The following LAMA4 variants were observed in gnomAD, a reference collection of about 807,000 sequenced individuals.
LAMA4 encodes the protein laminin subunit alpha 4, also known as laminin subunit alpha-4.
A neutral mutation model predicts 207.1 loss-of-function variants in LAMA4; 127 were observed. That is an observed-to-expected ratio of 0.61 (90% confidence interval 0.53 to 0.71). The LOEUF is 0.71. LAMA4 is among the 30% of genes least tolerant of loss of function. LAMA4 has a pLI of 0.00. For missense variants in LAMA4, 2,093 were observed against 2,246.5 expected (o/e 0.93, Z 1.38); for synonymous variants, 761 against 816.0 (o/e 0.93, Z 1.15).
At chr6:112,156,647 T>TA (rs1406521979) in intron 14 of LAMA4, among the ~76,000 whole-genome samples, 1 of 152,148 alleles carries the variant, frequency 6.6e-6, no homozygotes. Context: ...CATCGATGAT[T>TA]AGTATCATCA....
intron 2 of LAMA4, among the ~76,000 whole-genome samples, chr6:112,250,656 C>T (rs1313339459): frequency 6.6e-6 from 1 of 152,212 alleles, no homozygotes; most frequent in Admixed American, 6.5e-5. Context: ...CCACCTTCCA[C>T]CTTGCCCTGT....
intron 13 of LAMA4, among the ~76,000 whole-genome samples, chr6:112,160,748 A>G (rs2282852): frequency 0.09 from 13,704 of 152,166 alleles, 1,698 homozygotes; most frequent in African/African-American, 0.28. Context: ...GAAACTTGGC[A>G]TTTGACTCCC....
chr6:112,227,133 A>G (rs1397501989), intron 2 of LAMA4, among the ~76,000 whole-genome samples: 1 of 151,844 alleles, frequency 6.6e-6, no homozygotes, highest in Non-Finnish European at 1.5e-5. Flanking sequence ...GTGCAGTGGC[A>G]TGATCTCAGC....
At chr6:112,228,041 T>A (rs1483681826) in intron 2 of LAMA4, among the ~76,000 whole-genome samples, 4 of 152,230 alleles carry the variant, frequency 2.6e-5, no homozygotes, top group African/African-American at 9.6e-5. Context: ...AGAGGCCAGT[T>A]TTCTGTCCTA....
At chr6:112,148,589 A>G (rs1426951906) in intron 17 of LAMA4, among the ~76,000 whole-genome samples, 1 of 152,250 alleles carries the variant, frequency 6.6e-6, no homozygotes, top group African/African-American at 2.4e-5. Context: ...ATTTTAACTC[A>G]TAAGAGGTTT....
intron 3 of LAMA4, among the ~76,000 whole-genome samples, chr6:112,209,764 T>A (rs527990546): frequency 6.6e-6 from 1 of 152,210 alleles, no homozygotes; most frequent in South Asian, 2.1e-4. Flanking sequence ...CTCTGGCATT[T>A]AAAAAACAGA....
At chr6:112,222,498 A>T (rs782807680) in intron 2 of LAMA4, among the ~76,000 whole-genome samples, 1 of 152,162 alleles carries the variant, frequency 6.6e-6, no homozygotes, top group Non-Finnish European at 1.5e-5. Context: ...TCTCAATTTA[A>T]CCATCAATAA....
intron 2 of LAMA4, among the ~76,000 whole-genome samples, chr6:112,243,975 T>C (rs1387904843): frequency 6.6e-6 from 1 of 152,120 alleles, no homozygotes; most frequent in Admixed American, 6.5e-5. Flanking sequence ...GGAGAATCAC[T>C]TGAACCTGGG....
intron 29 of LAMA4, chr6:112,130,300 T>TTTTGTGTG (rs1554329303): frequency 2.7e-6 from 1 of 367,302 alleles, no homozygotes; most frequent in Non-Finnish European, 5.1e-6. Flanking sequence ...AGCATTATTT[T>TTTTGTGTG]TGTGTGTGTG....
chr6:112,187,032 G>A (rs2114938351), intron 8 of LAMA4: 1 of 387,436 alleles, frequency 2.6e-6, no homozygotes, highest in South Asian at 2.0e-5. Context: ...AGACAGAGAA[G>A]AAGAAGGATG....
In LAMA4 at chr6:112,155,586, G is replaced by A. The variant is rs1554336723; in HGVS notation, c.1938C>T (p.Asn646=). The change falls in exon 15 of 39, where the codon AAC becomes AAT. Residue 646 remains asparagine, a synonymous_variant. Transcript: ENST00000230538. ...EANETAEFAL[N]TTDRIYDAVS... The stretch of plus-strand genomic sequence containing the variant: ...TCACATCATAAATTCGGTCAGTGGT[G>A]TTCAAAGCAAATTCTGCTGTTTCAT... 2 of 1,614,144 alleles carry A rather than the reference G, an allele frequency of 1.2e-6. No individual in the cohort carries two copies. Among genetic ancestry groups the A allele is most frequent in the South Asian group, 1.1e-5 (1 of 91,078 alleles).
intron 29 of LAMA4, among the ~76,000 whole-genome samples, chr6:112,130,704 G>A (rs1778987132): frequency 6.6e-6 from 1 of 151,976 alleles, no homozygotes; most frequent in East Asian, 1.9e-4. Flanking sequence ...ATATTAGTAG[G>A]CATTTCCCTC....
At chr6:112,165,456 A>G (rs1203318804) in intron 12 of LAMA4, among the ~76,000 whole-genome samples, 180 bp from the exon 13 acceptor site, 2 of 152,224 alleles carry the variant, frequency 1.3e-5, no homozygotes, top group Non-Finnish European at 2.9e-5. Context: ...TTTCTCATTT[A>G]TAATACAGAG....
In LAMA4 at chr6:112,144,728, GCAGTTGGAGCT is replaced by G. The variant is rs1312876657; in HGVS notation, c.2493+55_2493+65del. 1.3e-5 allele frequency: 21 copies of G among 1,565,516 alleles called. No homozygotes were observed. The African/African-American group carries it at 2.8e-4, about 21-fold the overall frequency. On this transcript the variant is annotated intron_variant, in intron 19 of 38. Coordinates refer to ENST00000230538, the MANE Select transcript of LAMA4 (RefSeq NM_001105206.3). ...GGTCCAGGCTCTGGAAGCTGCCCAA[GCAGTTGGAGCT>G]CAGCTTCGTGTTATTATTACCGCTG...
intron 8 of LAMA4, 114 bp from the exon 9 acceptor site, chr6:112,185,461 A>C (rs2114931816): frequency 1.4e-6 from 1 of 726,668 alleles, no homozygotes; most frequent in East Asian, 2.5e-5. Context: ...CTCTTTTCTC[A>C]AAATAGTGGG....
At chr6:112,213,774 G>T (rs1554357602) in intron 3 of LAMA4, 2 of 359,244 alleles carry the variant, frequency 5.6e-6, no homozygotes, top group Non-Finnish European at 9.9e-6. Context: ...TGGAATTGAG[G>T]AAGAATTAGA....
At chr6:112,133,921 G>A (rs1367706242) in intron 26 of LAMA4, among the ~76,000 whole-genome samples, 1 of 152,192 alleles carries the variant, frequency 6.6e-6, no homozygotes, top group African/African-American at 2.4e-5. Context: ...TATGTCACAA[G>A]TGATGTTAGG....
rs782430894 is a variant in LAMA4, at chr6:112,142,226, C to T, written c.2560G>A (p.Asp854Asn). Residue 854 changes from aspartate to asparagine, a missense_variant, in exon 20 of 39, where the codon GAC becomes AAC. By Grantham distance (23) the Asp-to-Asn change is conservative. Transcript: ENST00000230538. Reference sequence around the variant, plus strand: ...CTCAGAGACGTGAAGGCCTTTAAGTCATCCATACTGGTTCTCGAGTGCACT... The same window carrying T: ...CTCAGAGACGTGAAGGCCTTTAAGTTATCCATACTGGTTCTCGAGTGCACT... ...VEVHSRTSMDDLKAFTSLSLY... is the reference protein window; with the variant it reads ...VEVHSRTSMDNLKAFTSLSLY... 1.2e-6 allele frequency: 2 copies of T among 1,614,152 alleles called. No individual in the cohort carries two copies. Among genetic ancestry groups the T allele is most frequent in the South Asian group, 1.1e-5 (1 of 91,082 alleles).
chr6:112,229,362 C>G (rs782016395), intron 2 of LAMA4, among the ~76,000 whole-genome samples: 12 of 152,146 alleles, frequency 7.9e-5, no homozygotes, highest in Non-Finnish European at 1.3e-4. Context: ...CTTCTTCAGG[C>G]AAAGTCTCTG....
Sources: allele counts gnomAD v4.1 joint callset (sites outside exome capture counted in the v4.1 genomes callset), GRCh38; gene constraint gnomAD v4.1.1; transcripts MANE v1.5; gene names NCBI Gene and HGNC (gene_info 2026-07-23, HGNC 2026-07-21).